The following NSD3 variants were observed in gnomAD, a reference collection of about 807,000 sequenced individuals.
NSD3 encodes the protein histone-lysine N-methyltransferase NSD3.
In NSD3, 24 loss-of-function variants were observed where a neutral mutation model predicts 160.8. The ratio of observed to expected loss-of-function variants is 0.15; its 90% CI spans 0.11 to 0.21. The LOEUF (loss-of-function observed/expected upper bound fraction) is 0.21, where lower values mean the gene tolerates loss of function less well. NSD3 is among the 10% of genes least tolerant of loss of function. The pLI, the probability that NSD3 is intolerant of heterozygous loss-of-function variation, is 1.00. For synonymous variants in NSD3, 520 were observed against 600.0 expected (o/e 0.87, Z 1.95); for missense variants, 1,157 against 1,735.9 (o/e 0.67, Z 5.93).
chr8:38,344,783 A>C lies in NSD3; in HGVS notation c.675+2714T>G, dbSNP rs1810472557. On this transcript the variant is annotated intron_variant, in intron 2 of 23. Transcript: ENST00000317025. ...TTCCCTGAGGCATCTGGGGGAGGGA[A>C]GCTGTCCAGTGAAGTCAGTGGATGC... 2.0e-5 allele frequency among the ~76,000 whole-genome samples: 3 copies of C among 152,158 alleles called. No homozygotes were observed. In the South Asian group the frequency reaches 6.2e-4, roughly 32 times the overall value.
At chr8:38,358,077 T>C (rs1420049063) in intron 1 of NSD3, among the ~76,000 whole-genome samples, 1 of 151,964 alleles carries the variant, frequency 6.6e-6, no homozygotes, top group Non-Finnish European at 1.5e-5. Context: ...AAAAAGAAAC[T>C]CATATGTATA....
chr8:38,300,844 G>C lies in NSD3; in HGVS notation c.2612-1254C>G, dbSNP rs377478085. Among the ~76,000 whole-genome samples, 16 of 152,304 alleles carry C rather than the reference G, an allele frequency of 1.1e-4. No individual in the cohort carries two copies. In the East Asian group the frequency reaches 2.5e-3, roughly 24 times the overall value. ...ATTTAAGAGATCATTTTGAAGGGGA[G>C]GGAAATTACCATTTACTTTTTTCTG... On this transcript the variant is annotated intron_variant, in intron 14 of 23. Coordinates refer to ENST00000317025, the MANE Select transcript of NSD3 (RefSeq NM_023034.2).
At chr8:38,299,960 T>A (rs943671809) in intron 14 of NSD3, among the ~76,000 whole-genome samples, 2 of 151,918 alleles carry the variant, frequency 1.3e-5, no homozygotes, top group Non-Finnish European at 1.5e-5. Context: ...TTATATATCA[T>A]GTAATGAGAT....
intron 14 of NSD3, among the ~76,000 whole-genome samples, chr8:38,300,050 C>T (rs1468458223): frequency 2.0e-5 from 3 of 151,944 alleles, no homozygotes; most frequent in Non-Finnish European, 4.4e-5. Flanking sequence ...GAATGGAAGT[C>T]TCTCCTTTTT....
In NSD3 at chr8:38,270,502, T is replaced by C. The variant is rs1369659052; in HGVS notation, c.*5139A>G. On this transcript the variant is annotated 3_prime_UTR_variant, in exon 24 of 24. Transcript: ENST00000317025. Reference sequence around the variant, plus strand: ...AGCATCTTGATTATTAGTGGCAATATAATTATCTTAACATAGGGCATGTAA... The same window carrying C: ...AGCATCTTGATTATTAGTGGCAATACAATTATCTTAACATAGGGCATGTAA... The C allele has an allele frequency of 6.6e-6, 1 of 152,224 alleles. No individual in the cohort carries two copies. The highest frequency in any genetic ancestry group is 1.5e-5 in the Non-Finnish European group (1 of 68,042). The allele number at this position is 152,224 out of a possible 1,614,324, so 9.4% of individuals were successfully genotyped here.
intron 1 of NSD3, among the ~76,000 whole-genome samples, chr8:38,353,330 T>C (rs2150386848): frequency 6.6e-6 from 1 of 152,360 alleles, no homozygotes; most frequent in South Asian, 2.1e-4. Flanking sequence ...AGGAAATGTT[T>C]AAAAATTCTG....
chr8:38,284,420 C>T (rs1808809321), intron 19 of NSD3, among the ~76,000 whole-genome samples: 1 of 152,208 alleles, frequency 6.6e-6, no homozygotes, highest in Non-Finnish European at 1.5e-5. Context: ...CGGAGTTTCA[C>T]TCTTGTTGCC....
intron 1 of NSD3, among the ~76,000 whole-genome samples, chr8:38,378,412 C>T (rs1811452935): frequency 2.6e-5 from 4 of 151,930 alleles, no homozygotes; most frequent in African/African-American, 2.4e-5. Flanking sequence ...GAGGCCGAGG[C>T]GGGTGGATCA....
At chr8:38,344,898 A>G (rs1810475677) in intron 2 of NSD3, among the ~76,000 whole-genome samples, 1 of 152,190 alleles carries the variant, frequency 6.6e-6, no homozygotes, top group African/African-American at 2.4e-5. Flanking sequence ...GGCATAGGGT[A>G]TTGACTATTA....
At chr8:38,283,977 G>C (rs1808795584) in intron 19 of NSD3, among the ~76,000 whole-genome samples, 1 of 152,074 alleles carries the variant, frequency 6.6e-6, no homozygotes, top group Admixed American at 6.6e-5. Flanking sequence ...GTGGTGCATG[G>C]CTGTGGTCCC....
intron 21 of NSD3, 40 bp from the exon 22 acceptor site, chr8:38,278,452 G>A: frequency 6.5e-7 from 1 of 1,542,592 alleles, no homozygotes; most frequent in Non-Finnish European, 8.8e-7. Context: ...CTCGAGTCAT[G>A]GGGAAGAGAA....
At chr8:38,381,128 C>T (rs1374035923) in intron 1 of NSD3, among the ~76,000 whole-genome samples, 2 of 152,116 alleles carry the variant, frequency 1.3e-5, no homozygotes, top group Non-Finnish European at 2.9e-5. Flanking sequence ...CCTCCATCCC[C>T]TTCTCTTCCT....
At position 38,274,924 on chromosome 8, in the gene NSD3, C is replaced by A. The variant is rs1046146790; in HGVS notation, c.*717G>T. ...GTGAGCACATCCATTCCTTTTTTTC[C>A]TTCCACCAAGGAAACACACCATATA... On this transcript the variant is annotated 3_prime_UTR_variant, in exon 24 of 24. Coordinates refer to ENST00000317025, the MANE Select transcript of NSD3 (RefSeq NM_023034.2). 1 of 193,868 alleles carries A rather than the reference C, an allele frequency of 5.2e-6. No homozygotes were observed. The highest frequency in any genetic ancestry group is 1.9e-4 in the South Asian group (1 of 5,198). 12.0% of individuals were successfully genotyped at this position (193,868 alleles called of 1,614,324 possible). A position where few individuals can be genotyped will look rare whatever the true frequency, so the allele number is the denominator to read the frequency against.
At position 38,321,156 on chromosome 8, in the gene NSD3, C is replaced by T; in HGVS notation, c.1725G>A (p.Lys575=). ...GAGTTCTAATTGATCTTCTCTGTTGCTTCTTTTCTACTGAGCCTAAGAAAT... is the reference window on the plus strand; with the variant it reads ...GAGTTCTAATTGATCTTCTCTGTTGTTTCTTTTCTACTGAGCCTAAGAAAT... ...TSGSTGSVEK[K]QQRRSIRTRS... Residue 575 remains lysine, a synonymous_variant, in exon 8 of 24, where the codon AAG becomes AAA. Coordinates refer to ENST00000317025, the MANE Select transcript of NSD3 (RefSeq NM_023034.2). This position sits in a 1 kb window ranked among gnomAD's most constrained non-coding sequence, Gnocchi z 4.7. The T allele has an allele frequency of 6.2e-7, 1 of 1,612,014 alleles. No individual in the cohort carries two copies. Among genetic ancestry groups the T allele is most frequent in the Non-Finnish European group, 8.5e-7 (1 of 1,179,582 alleles).
chr8:38,313,380 T>C lies in NSD3; in HGVS notation c.2242+1267A>G, dbSNP rs570275808. ...GTCATCATGGGCTATCTTTGTGACT[T>C]TGGGGAAGCTATTAAACTCTCTAAT... On this transcript the variant is annotated intron_variant, in intron 12 of 23. Transcript: ENST00000317025. Among the ~76,000 whole-genome samples the C allele has an allele frequency of 3.3e-5, 5 of 152,284 alleles. No individual in the cohort carries two copies. In the South Asian group the frequency reaches 1.0e-3, roughly 32 times the overall value.
rs552665360 is a variant in NSD3 at position 38,371,532 on chromosome 8, C to T, written c.-45+10267G>A. ...CACGTTCAAGATTTAAAATCGCTAT[C>T]GCCCATGCAGGGGAAAAATTAGCAA... On this transcript the variant is annotated intron_variant, in intron 1 of 23. Coordinates refer to ENST00000317025, the MANE Select transcript of NSD3 (RefSeq NM_023034.2). Among the ~76,000 whole-genome samples the T allele has an allele frequency of 2.6e-5, 4 of 152,284 alleles. No individual in the cohort carries two copies. The East Asian group carries it at 7.7e-4, about 29-fold the overall frequency.
At chr8:38,299,743 A>AG in intron 14 of NSD3, 153 bp from the exon 15 acceptor site, 2 of 696,914 alleles carry the variant, frequency 2.9e-6, no homozygotes, top group Non-Finnish European at 4.1e-6. Flanking sequence ...TCTGACAGAA[A>AG]GGTTTTCTAC....
At chr8:38,357,871 T>C (rs1810863341) in intron 1 of NSD3, among the ~76,000 whole-genome samples, 1 of 152,130 alleles carries the variant, frequency 6.6e-6, no homozygotes, top group African/African-American at 2.4e-5. Flanking sequence ...TAACAGAATA[T>C]AAAAGCAGTT....
intron 11 of NSD3, 139 bp from the exon 12 acceptor site, chr8:38,314,912 G>T: frequency 1.2e-6 from 1 of 811,650 alleles, no homozygotes; most frequent in Non-Finnish European, 1.9e-6. Flanking sequence ...CCAAGAATGT[G>T]CATTTCTAAT....
Sources: allele counts gnomAD v4.1 joint callset (sites outside exome capture counted in the v4.1 genomes callset), GRCh38; gene constraint gnomAD v4.1.1; non-coding constraint Gnocchi (gnomAD v3.1); transcripts MANE v1.5; gene names NCBI Gene and HGNC (gene_info 2026-07-23, HGNC 2026-07-21).